CARMIL1: variants seen among roughly 807,000 people sequenced by gnomAD.
CARMIL1 encodes capping protein regulator and myosin 1 linker 1.
Under a neutral mutation model 177.1 loss-of-function variants are expected in CARMIL1, and 90 were observed. The ratio of observed to expected loss-of-function variants is 0.51; its 90% CI spans 0.43 to 0.61. The LOEUF is 0.61. Ranked by LOEUF, CARMIL1 falls within the 20% of genes least tolerant of loss-of-function variation. The probability of loss-of-function intolerance (pLI) is 0.00; values close to 1 mark genes in which losing one functional copy is unlikely to be tolerated. For synonymous variants in CARMIL1, 577 were observed against 606.2 expected (o/e 0.95, Z 0.71); for missense variants, 1,380 against 1,667.0 (o/e 0.83, Z 3.00).
intron 2 of CARMIL1, among the ~76,000 whole-genome samples, chr6:25,419,394 T>C (rs968504133): frequency 2.0e-5 from 3 of 152,186 alleles, no homozygotes; most frequent in African/African-American, 7.2e-5. Context: ...TGGAAAGTTT[T>C]GTAGTAAGCT....
Position 25,620,073 on chromosome 6 carries a change from T to C in CARMIL1, c.*490T>C, listed in dbSNP as rs964355724. On this transcript the variant is annotated 3_prime_UTR_variant, in exon 37 of 37. Coordinates refer to ENST00000329474, the MANE Select transcript of CARMIL1 (RefSeq NM_017640.6). ...GCAATTTATTCTTGATGTATGCAAT[T>C]GCACATTGTAATTATATTAACAGAG... The C allele has an allele frequency of 2.6e-5, 4 of 152,752 alleles. No homozygotes were observed. Among genetic ancestry groups the C allele is most frequent in the Non-Finnish European group, 5.9e-5 (4 of 68,140 alleles). 9.5% of individuals were successfully genotyped at this position (152,752 alleles called of 1,614,324 possible). A position where few individuals can be genotyped will look rare whatever the true frequency, so the allele number is the denominator to read the frequency against.
chr6:25,495,029 G>A (rs1803565025), intron 15 of CARMIL1, 82 bp from the exon 16 acceptor site: 2 of 749,728 alleles, frequency 2.7e-6, no homozygotes, highest in Non-Finnish European at 4.5e-6. Context: ...TGACTGATTT[G>A]TAGATTTCAC....
chr6:25,469,136 T>A (rs1800882895), intron 9 of CARMIL1, among the ~76,000 whole-genome samples: 1 of 152,250 alleles, frequency 6.6e-6, no homozygotes, highest in African/African-American at 2.4e-5. Flanking sequence ...TTAATTTTTC[T>A]CTTTCCTCCT....
At chr6:25,315,462 A>G (rs1475190553) in intron 2 of CARMIL1, among the ~76,000 whole-genome samples, 2 of 152,206 alleles carry the variant, frequency 1.3e-5, no homozygotes, top group Non-Finnish European at 2.9e-5. Context: ...GGCTCCCTAA[A>G]TGCCCACACA....
At chr6:25,297,787 C>G (rs908509663) in intron 2 of CARMIL1, among the ~76,000 whole-genome samples, 1 of 152,204 alleles carries the variant, frequency 6.6e-6, no homozygotes. Flanking sequence ...GCTTCATGCT[C>G]ACGTCGTTTT....
chr6:25,360,192 A>G (rs1041983764), intron 2 of CARMIL1, among the ~76,000 whole-genome samples: 3 of 152,184 alleles, frequency 2.0e-5, no homozygotes, highest in Non-Finnish European at 4.4e-5. Flanking sequence ...TTAATAGAAC[A>G]TTGGATTAGG....
chr6:25,331,579 GT>G (rs1309232856), intron 2 of CARMIL1, among the ~76,000 whole-genome samples: 3 of 152,180 alleles, frequency 2.0e-5, no homozygotes, highest in Non-Finnish European at 4.4e-5. Flanking sequence ...TCCTTCAGCA[GT>G]TCCCCAGAGC....
intron 1 of CARMIL1, among the ~76,000 whole-genome samples, chr6:25,281,162 ACACACACG>A (rs1175220203): frequency 1.3e-5 from 2 of 150,274 alleles, no homozygotes; most frequent in African/African-American, 4.9e-5. Context: ...ACACACACAC[ACACACACG>A]CACCTCTCAT....
chr6:25,350,856 TC>T (rs981827866), intron 2 of CARMIL1: 19 of 152,284 alleles, frequency 1.2e-4, no homozygotes, highest in African/African-American at 4.3e-4. Flanking sequence ...CTTAGAGTAT[TC>T]CCCCTTTTGG....
At chr6:25,439,363 T>A (rs1224905128) in intron 5 of CARMIL1, among the ~76,000 whole-genome samples, 1 of 152,068 alleles carries the variant, frequency 6.6e-6, no homozygotes, top group Non-Finnish European at 1.5e-5. Context: ...CAAAGGTGAG[T>A]GCCATTGAGC....
intron 2 of CARMIL1, among the ~76,000 whole-genome samples, chr6:25,296,146 A>C: frequency 6.6e-6 from 1 of 152,318 alleles, no homozygotes; most frequent in African/African-American, 2.4e-5. Flanking sequence ...CTGTATAGCC[A>C]ACAACAATTT....
At chr6:25,340,874 G>A (rs181640613) in intron 2 of CARMIL1, among the ~76,000 whole-genome samples, 148 of 144,274 alleles carry the variant, frequency 1.0e-3, no homozygotes, top group African/African-American at 3.7e-3. Flanking sequence ...GAAATTCTGA[G>A]ATATTTAAAT....
intron 22 of CARMIL1, among the ~76,000 whole-genome samples, chr6:25,519,934 A>G (rs1457080754): frequency 6.6e-6 from 1 of 152,202 alleles, no homozygotes; most frequent in Non-Finnish European, 1.5e-5. Flanking sequence ...CCCTCAGTTC[A>G]TCTTTTCAAT....
intron 2 of CARMIL1, among the ~76,000 whole-genome samples, chr6:25,404,018 A>G (rs1294316244): frequency 6.6e-6 from 1 of 152,260 alleles, no homozygotes; most frequent in Non-Finnish European, 1.5e-5. Context: ...TTGTAAACAA[A>G]GAGTGCTAAT....
intron 29 of CARMIL1, chr6:25,563,083 T>C (rs1811274835): frequency 3.6e-6 from 1 of 276,900 alleles, no homozygotes; most frequent in South Asian, 1.4e-4. Flanking sequence ...TAACTGAGTC[T>C]AAATGAATTA....
chr6:25,486,339 C>T (rs1476846873), intron 12 of CARMIL1, among the ~76,000 whole-genome samples: 4 of 152,114 alleles, frequency 2.6e-5, no homozygotes, highest in African/African-American at 9.7e-5. Flanking sequence ...GAGCTGATAA[C>T]ATGATGCTCT....
At chr6:25,298,994 T>G (rs1782646210) in intron 2 of CARMIL1, among the ~76,000 whole-genome samples, 1 of 151,888 alleles carries the variant, frequency 6.6e-6, no homozygotes, top group Non-Finnish European at 1.5e-5. Flanking sequence ...TCAGGTGATC[T>G]GCCCGCCTCA....
At chr6:25,582,769 C>G (rs1481946110) in intron 31 of CARMIL1, among the ~76,000 whole-genome samples, 3 of 152,220 alleles carry the variant, frequency 2.0e-5, no homozygotes, top group Admixed American at 6.5e-5. Context: ...CTCTATACTT[C>G]TCTGTCCACA....
intron 4 of CARMIL1, among the ~76,000 whole-genome samples, chr6:25,428,572 A>G (rs1218393036): frequency 3.9e-5 from 6 of 152,170 alleles, no homozygotes; most frequent in Non-Finnish European, 5.9e-5. Context: ...GCTTGCTGGA[A>G]TTTTGGCTGA....
Sources: gnomAD v4.1 joint callset for allele counts (sites outside exome capture counted in the v4.1 genomes callset) on GRCh38, gnomAD v4.1.1 for gene constraint, MANE v1.5 for transcripts, NCBI Gene and HGNC (gene_info 2026-07-23, HGNC 2026-07-21) for gene names.